The following GLI4 variants were observed in gnomAD, a reference collection of about 807,000 sequenced individuals.
GLI4 encodes the protein zinc finger protein GLI4.
Under a neutral mutation model 30.9 loss-of-function variants are expected in GLI4, and 34 were observed. That is an observed-to-expected ratio of 1.10 (90% CI 0.84 to 1.47). The LOEUF is 1.47. Among genes scored for constraint, GLI4 ranks in the 40% most tolerant of loss-of-function variants. GLI4 has a pLI of 0.00. For synonymous variants in GLI4, 277 were observed against 236.7 expected, an observed-to-expected ratio of 1.17 and a Z score of -1.56; for missense variants, 696 against 538.9, an observed-to-expected ratio of 1.29 and a Z score of -2.89.
chr8:143,271,333 C>T (rs1433766380), intron 2 of GLI4, among the ~76,000 whole-genome samples: 1 of 152,178 alleles, frequency 6.6e-6, no homozygotes. Flanking sequence ...AAGGGGGCGG[C>T]CTTCATCCCC....
Position 143,274,739 on chromosome 8 carries a change from C to G in GLI4, c.160C>G (p.Pro54Ala). The G allele has an allele frequency of 6.4e-7, 1 of 1,568,574 alleles. No individual in the cohort carries two copies. The highest frequency in any genetic ancestry group is 8.7e-7 in the Non-Finnish European group (1 of 1,155,162). Residue 54 changes from proline to alanine, a missense_variant, in exon 3 of 4, where the codon CCG becomes GCG. By Grantham distance (27) the Pro-to-Ala change is conservative. Transcript: ENST00000340042. Reference protein sequence around the residue: ...PGSSPKVLSQPSDLDLQDVEE... With the variant: ...PGSSPKVLSQASDLDLQDVEE... ...CTCCAGCCCTAAGGTGCTCTCCCAG[C>G]CGTCCGACCTGGATCTCCAAGACGT...
intron 2 of GLI4, among the ~76,000 whole-genome samples, chr8:143,270,975 G>A (rs370112010): frequency 1.3e-5 from 2 of 151,766 alleles, no homozygotes; most frequent in Non-Finnish European, 2.9e-5. Flanking sequence ...GAGCCTGCAG[G>A]GTTGCGCTAC....
In GLI4 at chr8:143,276,298, A is replaced by C. The variant is rs1302940018; in HGVS notation, c.625A>C (p.Lys209Gln). The C allele has an allele frequency of 1.2e-6, 2 of 1,611,690 alleles. No individual in the cohort carries two copies. Among genetic ancestry groups the C allele is most frequent in the Admixed American group, 3.3e-5 (2 of 59,804 alleles). ...LKHQRIHTGEKPYACHECGKR... is the reference protein window; with the variant it reads ...LKHQRIHTGEQPYACHECGKR... ...GCACCAGCGCATCCACACGGGCGAGAAGCCCTACGCCTGCCACGAGTGCGG... is the reference window on the plus strand; with the variant it reads ...GCACCAGCGCATCCACACGGGCGAGCAGCCCTACGCCTGCCACGAGTGCGG... Residue 209 changes from lysine (K) to glutamine (Q), a missense_variant, in exon 4 of 4, where the codon AAG becomes CAG. Physicochemically the swap from Lys to Gln is moderately conservative, Grantham distance 53 (BLOSUM62 1). Transcript: ENST00000340042.
At position 143,276,231 on chromosome 8, in the gene GLI4, G is replaced by T. The variant is rs1251252022; in HGVS notation, c.558G>T (p.Glu186Asp). 6.2e-7 allele frequency: 1 copy of T among 1,600,810 alleles called. No individual in the cohort carries two copies. Among genetic ancestry groups the T allele is most frequent in the African/African-American group, 1.3e-5 (1 of 74,508 alleles). Residue 186 changes from glutamate (E) to aspartate (D), a missense_variant, in exon 4 of 4, where the codon GAG becomes GAT. Transcript: ENST00000340042. ...SARGAKPHRC[E>D]ACGKSFKYNS... Reference sequence around the variant, plus strand: ...GGGGGGCCAAGCCGCACAGGTGCGAGGCCTGCGGCAAGAGTTTCAAGTATA... The same window carrying T: ...GGGGGGCCAAGCCGCACAGGTGCGATGCCTGCGGCAAGAGTTTCAAGTATA...
chr8:143,269,241 C>T (rs987468477), intron 1 of GLI4, 119 bp from the exon 2 acceptor site: 13 of 751,586 alleles, frequency 1.7e-5, no homozygotes, highest in Non-Finnish European at 2.9e-5. Flanking sequence ...ATCCTTGCTC[C>T]TCCTGGAGTG....
intron 2 of GLI4, among the ~76,000 whole-genome samples, chr8:143,270,317 G>C (rs1293998007): frequency 6.6e-6 from 1 of 152,246 alleles, no homozygotes; most frequent in Non-Finnish European, 1.5e-5. Flanking sequence ...GGGGCCCTCA[G>C]GTGGGCACTC....
In GLI4 at chr8:143,272,132, G is replaced by A. The variant is rs151183608; in HGVS notation, c.125-2572G>A. ...GGCAGGAAGAAGTGAGGGAGGGGAG[G>A]CCTGGGACCCTTGGGGGCTTGCAGC... On this transcript the variant is annotated intron_variant, in intron 2 of 3. Transcript: ENST00000340042. 3.8e-4 allele frequency among the ~76,000 whole-genome samples: 58 copies of A among 152,294 alleles called. No homozygotes were observed. The East Asian group carries it at 0.01, about 27-fold the overall frequency.
chr8:143,275,143 C>A (rs1420338503), intron 3 of GLI4: 4 of 1,535,534 alleles, frequency 2.6e-6, no homozygotes, highest in East Asian at 2.4e-5. Context: ...CACCACTGTC[C>A]CCCCAGATCC....
At chr8:143,275,758 C>T in intron 3 of GLI4, 139 bp from the exon 4 acceptor site, 2 of 1,239,722 alleles carry the variant, frequency 1.6e-6, no homozygotes, top group Admixed American at 4.2e-5. Flanking sequence ...CCGCTTGTCT[C>T]CCATCCACTG....
chr8:143,274,729 G>T lies in GLI4; in HGVS notation c.150G>T (p.Val50=), dbSNP rs34582236. Residue 50 remains valine (V), a synonymous_variant, in exon 3 of 4, where the codon GTG becomes GTT. Transcript: ENST00000340042. ...QHGSPGSSPK[V]LSQPSDLDLQ... is the part of the protein sequence containing the mutation. ...GCTCCCCTGGCTCCAGCCCTAAGGT[G>T]CTCTCCCAGCCGTCCGACCTGGATC... 1.3e-6 allele frequency: 2 copies of T among 1,565,636 alleles called. No individual in the cohort carries two copies. Among genetic ancestry groups the T allele is most frequent in the Non-Finnish European group, 8.7e-7 (1 of 1,153,786 alleles).
In GLI4 at chr8:143,276,915, C is replaced by T; in HGVS notation, c.*111C>T. ...GCATGCCACGTGTCCGGAATAAATTCTTTTTGATTGTTGGAAGTGGGAGCC... is the reference window on the plus strand; with the variant it reads ...GCATGCCACGTGTCCGGAATAAATTTTTTTTGATTGTTGGAAGTGGGAGCC... On this transcript the variant is annotated 3_prime_UTR_variant, in exon 4 of 4. Coordinates refer to ENST00000340042, the MANE Select transcript of GLI4 (RefSeq NM_138465.4). 1.3e-6 allele frequency: 1 copy of T among 744,054 alleles called. No individual in the cohort carries two copies. Among genetic ancestry groups the T allele is most frequent in the Non-Finnish European group, 2.1e-6 (1 of 468,560 alleles). 46.1% of individuals were successfully genotyped at this position (744,054 alleles called of 1,614,324 possible).
In GLI4 at chr8:143,275,984, T is replaced by C; in HGVS notation, c.311T>C (p.Leu104Pro). Residue 104 changes from leucine to proline, a missense_variant, in exon 4 of 4, where the codon CTG (leucine) becomes CCG (proline). Physicochemically the swap from Leu to Pro is moderately conservative, Grantham distance 98. Transcript: ENST00000340042. ...GCGGGCGGGGCGCTGCGCAGCCTCC[T>C]GAGGAGCCTTCCCCGCAGGGCCCGG... is the stretch of plus-strand genomic sequence containing the variant. ...EGAGGALRSL[L>P]RSLPRRARCS... 1.4e-6 allele frequency: 2 copies of C among 1,398,566 alleles called. No homozygotes were observed. The highest frequency in any genetic ancestry group is 1.9e-6 in the Non-Finnish European group (2 of 1,079,444). The allele number at this position is 1,398,566 out of a possible 1,614,324, so 86.6% of individuals were successfully genotyped here.
intron 1 of GLI4, chr8:143,268,161 C>T (rs766938191): frequency 1.9e-5 from 17 of 875,676 alleles, no homozygotes; most frequent in Non-Finnish European, 1.9e-5. Flanking sequence ...CAGTGGCCAC[C>T]TACCTGGTGA....
intron 3 of GLI4, chr8:143,275,678 G>A: frequency 8.1e-7 from 1 of 1,241,560 alleles, no homozygotes; most frequent in Non-Finnish European, 1.0e-6. Flanking sequence ...GCAGCTCTGG[G>A]TCACCCTGCA....
chr8:143,268,859 C>CTGCTGCTGCTGCTGCTGCTGCTGGTGT (rs35422165), intron 1 of GLI4, among the ~76,000 whole-genome samples: 3 of 149,384 alleles, frequency 2.0e-5, no homozygotes, highest in Admixed American at 2.0e-4. Flanking sequence ...GCTGCTGCTG[C>CTGCTGCTGCTGCTGCTGCTGCTGGTGT]TGTTGTTTGA....
In GLI4 at chr8:143,269,493, C is replaced by T. The variant is rs1473948197; in HGVS notation, c.97C>T (p.Gln33Ter). 2 of 1,613,220 alleles carry T rather than the reference C, an allele frequency of 1.2e-6. No homozygotes were observed. Among genetic ancestry groups the T allele is most frequent in the South Asian group, 1.1e-5 (1 of 91,084 alleles). ...ACCTGGAACCCAGCACCACGAGCCT[C>T]AGCTTCACCTCCATGGGCATCAACA... ...GTPGTQHHEPQLHLHGHQHGS... is the reference protein window; with the variant it reads ...GTPGTQHHEP The change falls in exon 2 of 4, where the codon CAG (glutamine) becomes TAG (stop). Residue 33 changes from glutamine (Q) to a stop codon, truncating the protein, a stop_gained. Transcript: ENST00000340042. LOFTEE classifies it high-confidence loss of function.
rs796966009 is a variant in GLI4 at position 143,268,978 on chromosome 8, G to A, written c.-37-382G>A. 5.6e-4 allele frequency among the ~76,000 whole-genome samples: 85 copies of A among 152,278 alleles called. 1 individual carries two copies. Among genetic ancestry groups the A allele is most frequent in the African/African-American group, 2.0e-3 (83 of 41,540 alleles). The stretch of plus-strand genomic sequence containing the variant: ...CCTGCCTCAGCTTCCCAAGTAGCTG[G>A]GATTACAGGTGCCCGCCACTGCGCC... On this transcript the variant is annotated intron_variant, in intron 1 of 3. Transcript: ENST00000340042.
intron 3 of GLI4, chr8:143,275,058 C>T (rs1443893270): frequency 1.3e-6 from 2 of 1,534,096 alleles, no homozygotes; most frequent in Non-Finnish European, 1.7e-6. Context: ...CTCCTGCCGG[C>T]CCCAGCTGGA....
chr8:143,276,521 TGCGCCACCAGCG>T lies in GLI4; in HGVS notation c.851_862del (p.Arg284_Arg287del). 1.2e-6 allele frequency: 2 copies of T among 1,612,828 alleles called. No homozygotes were observed. Among genetic ancestry groups the T allele is most frequent in the Middle Eastern group, 3.3e-4 (2 of 6,062 alleles). On this transcript the variant is annotated inframe_deletion, in exon 4 of 4. Coordinates refer to ENST00000340042, the MANE Select transcript of GLI4 (RefSeq NM_138465.4). Reference sequence around the variant, plus strand: ...GCCTTCAGCCAGAGCTCCAACCTGGTGCGCCACCAGCGGCTGCACACGGGTGAGAAGCCCTAC... The same window carrying T: ...GCCTTCAGCCAGAGCTCCAACCTGGTGCTGCACACGGGTGAGAAGCCCTAC...
Sources: allele counts gnomAD v4.1 joint callset (sites outside exome capture counted in the v4.1 genomes callset), GRCh38; gene constraint gnomAD v4.1.1; transcripts MANE v1.5; gene names NCBI Gene and HGNC (gene_info 2026-07-23, HGNC 2026-07-21).